The following NEBL variants were observed in gnomAD, a reference collection of about 807,000 sequenced individuals.
NEBL encodes nebulette.
Under a neutral mutation model 140.2 loss-of-function variants are expected in NEBL, and 122 were observed. The observed-to-expected ratio is 0.87, with a 90% CI of 0.75 to 1.01. The LOEUF (loss-of-function observed/expected upper bound fraction) is 1.01, where lower values mean the gene tolerates loss of function less well. Ranked by LOEUF, NEBL falls within the 50% of genes least tolerant of loss-of-function variation. The probability of loss-of-function intolerance (pLI) is 0.00; values close to 1 mark genes in which losing one functional copy is unlikely to be tolerated. For missense variants in NEBL, 1,365 were observed against 1,231.3 expected, an observed-to-expected ratio of 1.11 and a Z score of -1.62; for synonymous variants, 436 against 398.9, an observed-to-expected ratio of 1.09 and a Z score of -1.11.
intron 2 of NEBL, among the ~76,000 whole-genome samples, chr10:21,066,083 C>T (rs1292088141): frequency 6.6e-6 from 1 of 152,176 alleles, no homozygotes; most frequent in Non-Finnish European, 1.5e-5. Context: ...TGAGCATAAG[C>T]TGGATGGAAA....
intron 2 of NEBL, among the ~76,000 whole-genome samples, chr10:21,054,483 G>A (rs114774317): frequency 1.2e-3 from 184 of 152,200 alleles, no homozygotes; most frequent in African/African-American, 3.8e-3. Context: ...ACTGCCTCTC[G>A]GACAGGCATC....
At position 20,953,644 on chromosome 10, in the gene NEBL, T is replaced by C. The variant is rs75686078; in HGVS notation, c.357+8028A>G. ...ATTATCCTGCTTTACTGAGGAAATGTTGCTACAATCCTTTGATAAAACTAT... is the reference window on the plus strand; with the variant it reads ...ATTATCCTGCTTTACTGAGGAAATGCTGCTACAATCCTTTGATAAAACTAT... On this transcript the variant is annotated intron_variant, in intron 4 of 6. Transcript: ENST00000417816. Among the ~76,000 whole-genome samples, 338 of 152,050 alleles carry C rather than the reference T, an allele frequency of 2.2e-3. 13 individuals carry two copies. In the East Asian group the frequency reaches 0.057, roughly 26 times the overall value.
intron 3 of NEBL, among the ~76,000 whole-genome samples, 163 bp downstream of exon 3, chr10:20,889,682 G>A (rs1246678840): frequency 2.6e-5 from 4 of 152,114 alleles, no homozygotes; most frequent in East Asian, 1.9e-4. Flanking sequence ...CAATCTATAT[G>A]AGTTAAATGA....
chr10:20,836,270 T>C (rs1037449800), intron 13 of NEBL, among the ~76,000 whole-genome samples: 8 of 152,156 alleles, frequency 5.3e-5, no homozygotes, highest in African/African-American at 1.9e-4. Flanking sequence ...TCGCGCAGGC[T>C]GGAGTGCAGT....
In NEBL at chr10:21,005,705, G is replaced by A. The variant is rs181283753; in HGVS notation, c.249+14412C>T. ...GCTGTGATCATGCCACTGCACTTCA[G>A]CCTGGGTGACAGAGCAAGTGTCTCA... On this transcript the variant is annotated intron_variant, in intron 3 of 6. Transcript: ENST00000417816. Among the ~76,000 whole-genome samples the A allele has an allele frequency of 2.0e-5, 3 of 152,218 alleles. No individual in the cohort carries two copies. The East Asian group carries it at 5.8e-4, about 29-fold the overall frequency.
intron 4 of NEBL, among the ~76,000 whole-genome samples, chr10:20,906,730 T>C (rs1770315354): frequency 6.6e-6 from 1 of 152,104 alleles, no homozygotes; most frequent in South Asian, 2.1e-4. Context: ...GAATGAATTA[T>C]AACAAATATA....
At chr10:20,911,915 A>T (rs1848345854) in intron 4 of NEBL, among the ~76,000 whole-genome samples, 1 of 152,236 alleles carries the variant, frequency 6.6e-6, no homozygotes, top group Non-Finnish European at 1.5e-5. Flanking sequence ...TATTTATCAT[A>T]GCATTCAGTC....
chr10:21,122,802 G>C (rs749470670), intron 2 of NEBL, among the ~76,000 whole-genome samples: 28 of 152,228 alleles, frequency 1.8e-4, no homozygotes, highest in Non-Finnish European at 3.4e-4. Flanking sequence ...TAAGGAAAAG[G>C]GAAATGAGAG....
At chr10:20,803,812 A>AATATATATAT (rs773980585) in intron 26 of NEBL, among the ~76,000 whole-genome samples, 85 of 143,582 alleles carry the variant, frequency 5.9e-4, no homozygotes, top group Non-Finnish European at 1.1e-3. Flanking sequence ...CTGTACGAAA[A>AATATATATAT]ATATATATAT....
intron 2 of NEBL, among the ~76,000 whole-genome samples, chr10:21,072,186 G>T (rs1835847984): frequency 1.3e-5 from 2 of 152,028 alleles, no homozygotes; most frequent in African/African-American, 4.8e-5. Context: ...CCCAGTGGCT[G>T]CAGCCCTTGG....
intron 3 of NEBL, among the ~76,000 whole-genome samples, chr10:21,006,228 C>T (rs920153113): frequency 2.6e-5 from 4 of 152,180 alleles, no homozygotes; most frequent in East Asian, 1.9e-4. Context: ...CTACTACAAA[C>T]GGTGCTGTCA....
upstream of NEBL, among the ~76,000 whole-genome samples, chr10:20,901,569 G>T (rs1474962712): frequency 6.6e-6 from 1 of 151,800 alleles, no homozygotes; most frequent in Non-Finnish European, 1.5e-5. Context: ...TCCAAATTCA[G>T]TTCTGAGTGG....
intron 2 of NEBL, among the ~76,000 whole-genome samples, chr10:21,031,450 G>A (rs1055316267): frequency 1.3e-5 from 2 of 152,196 alleles, no homozygotes; most frequent in Admixed American, 1.3e-4. Context: ...CCAAGACCAC[G>A]CCTATTCCTG....
At chr10:20,957,104 T>C (rs970277229) in intron 4 of NEBL, among the ~76,000 whole-genome samples, 11 of 152,194 alleles carry the variant, frequency 7.2e-5, no homozygotes, top group African/African-American at 2.7e-4. Context: ...ATGTTCACCC[T>C]TGCACTCAAC....
At chr10:20,901,556 A>G (rs1264185245), upstream of NEBL, among the ~76,000 whole-genome samples, 2 of 152,144 alleles carry the variant, frequency 1.3e-5, no homozygotes, top group Non-Finnish European at 2.9e-5. Context: ...CAATTAAAAC[A>G]GATCCAAATT....
chr10:20,972,795 T>C (rs1363265663), intron 3 of NEBL, among the ~76,000 whole-genome samples: 2 of 152,042 alleles, frequency 1.3e-5, no homozygotes, highest in Non-Finnish European at 2.9e-5. Flanking sequence ...TTATACTTAG[T>C]GTGTATACAA....
intron 7 of NEBL, chr10:20,867,718 G>T (rs1196395906): frequency 6.6e-6 from 1 of 151,938 alleles, no homozygotes; most frequent in African/African-American, 2.4e-5. Context: ...TAAGATTTGG[G>T]TCCAATTTTG....
chr10:20,940,188 A>G (rs1661893582), intron 4 of NEBL, among the ~76,000 whole-genome samples: 1 of 152,178 alleles, frequency 6.6e-6, no homozygotes, highest in African/African-American at 2.4e-5. Flanking sequence ...GTTGGAAGTA[A>G]AGCACTCCTC....
At chr10:20,809,950 G>GAAAA (rs200571909) in intron 24 of NEBL, 52 bp from the exon 25 acceptor site, 448 of 682,664 alleles carry the variant, frequency 6.6e-4, no homozygotes, top group East Asian at 1.4e-3. Context: ...TTTAAAAAAG[G>GAAAA]AAAAAAAAAA....
Sources: gnomAD v4.1 joint callset for allele counts (sites outside exome capture counted in the v4.1 genomes callset) on GRCh38, gnomAD v4.1.1 for gene constraint, MANE v1.5 for transcripts, NCBI Gene and HGNC (gene_info 2026-07-23, HGNC 2026-07-21) for gene names.